Variants in KCNQ2 observed in about 807,000 individuals in gnomAD.
KCNQ2 encodes potassium voltage-gated channel subfamily KQT member 2.
KCNQ2 carries 14 observed loss-of-function variants against 84.8 expected under a neutral mutation model. The observed-to-expected ratio is 0.17, with a 90% CI of 0.11 to 0.26. KCNQ2 has a LOEUF of 0.26. KCNQ2 is among the 10% of genes least tolerant of loss of function. KCNQ2 has a pLI of 1.00. For synonymous variants in KCNQ2, 599 were observed against 554.1 expected (o/e 1.08, Z -1.14); for missense variants, 788 against 1,254.0 (o/e 0.63, Z 5.61).
chr20:63,416,985 A>C (rs2080318482), intron 12 of KCNQ2, among the ~76,000 whole-genome samples: 1 of 151,966 alleles, frequency 6.6e-6, no homozygotes, highest in South Asian at 2.1e-4. Flanking sequence ...CCGCTCGGGG[A>C]AGCAGAGACG....
chr20:63,442,183 CGGCT>C (rs757898342), intron 5 of KCNQ2, among the ~76,000 whole-genome samples: 1 of 152,134 alleles, frequency 6.6e-6, no homozygotes, highest in South Asian at 2.1e-4. Flanking sequence ...ATGCCCACCA[CGGCT>C]GAGCTCAGGC....
At chr20:63,443,274 CCAT>C (rs1239074326) in intron 4 of KCNQ2, among the ~76,000 whole-genome samples, 4 of 25,466 alleles carry the variant, frequency 1.6e-4, no homozygotes, top group South Asian at 1.1e-3. Context: ...ATCATCACCA[CCAT>C]CACCATCACC....
rs1430894540 is a variant in KCNQ2, at chr20:63,408,724, C to T, written c.1764-188G>A. Among the ~76,000 whole-genome samples, 1 of 152,220 alleles carries T rather than the reference C, an allele frequency of 6.6e-6. No homozygotes were observed. Among genetic ancestry groups the T allele is most frequent in the Non-Finnish European group, 1.5e-5 (1 of 68,038 alleles). On this transcript the variant is annotated intron_variant, in intron 15 of 16. Transcript: ENST00000359125. The surrounding 1 kb of genome is among the most constrained non-coding windows in gnomAD (Gnocchi z 5.0). ...CCCGTTCTCAGCCCGTCTTCTGGCA[C>T]CGTGAGGTTCTGCTCCTGCCCGCTC... is the stretch of plus-strand genomic sequence containing the variant.
intron 1 of KCNQ2, among the ~76,000 whole-genome samples, chr20:63,452,965 G>A (rs2081658428): frequency 6.6e-6 from 1 of 152,228 alleles, no homozygotes; most frequent in African/African-American, 2.4e-5. Flanking sequence ...CAGGCTGAGG[G>A]GAGGGTCCAG....
intron 4 of KCNQ2, among the ~76,000 whole-genome samples, chr20:63,443,958 G>A (rs11905861): frequency 0.079 from 12,082 of 152,196 alleles, 762 homozygotes; most frequent in African/African-American, 0.15. Context: ...CTGAGCCTCC[G>A]GGCACAGATG....
chr20:63,407,776 G>A lies in KCNQ2; in HGVS notation c.1888-401C>T, dbSNP rs926321954. On this transcript the variant is annotated intron_variant, in intron 16 of 16. Transcript: ENST00000359125. This position sits in a 1 kb window ranked among gnomAD's most constrained non-coding sequence, Gnocchi z 7.2. ...TCCCTGGAGAGGTACAGGGAGGGGG[G>A]ATCCCTGCTCCCTGGAAGCTGGAGG... 6.6e-6 allele frequency among the ~76,000 whole-genome samples: 1 copy of A among 151,902 alleles called. No individual in the cohort carries two copies. The highest frequency in any genetic ancestry group is 1.5e-5 in the Non-Finnish European group (1 of 67,918).
At chr20:63,428,557 C>T (rs1034102063) in intron 9 of KCNQ2, 122 bp from the exon 10 acceptor site, 7 of 834,290 alleles carry the variant, frequency 8.4e-6, no homozygotes, top group East Asian at 2.7e-5. Context: ...CGGCATGTGA[C>T]GTGGCCAGGC....
intron 9 of KCNQ2, among the ~76,000 whole-genome samples, chr20:63,430,390 C>A (rs889726086): frequency 7.2e-5 from 11 of 152,174 alleles, no homozygotes; most frequent in Non-Finnish European, 1.5e-4. Context: ...CACTGCCCAG[C>A]ACTGCACCCA....
At chr20:63,469,701 C>T (rs1473420973) in intron 1 of KCNQ2, among the ~76,000 whole-genome samples, 1 of 152,248 alleles carries the variant, frequency 6.6e-6, no homozygotes, top group Admixed American at 6.5e-5. Flanking sequence ...CCCTGGCCTT[C>T]CCCCCACTCC....
At chr20:63,426,082 G>T (rs935552385) in intron 10 of KCNQ2, among the ~76,000 whole-genome samples, 1 of 152,214 alleles carries the variant, frequency 6.6e-6, no homozygotes, top group Admixed American at 6.5e-5. Flanking sequence ...GGCAGCTCGT[G>T]TTCACAGCTG....
chr20:63,432,290 GGAAGGCTCCACCCACAGA>G (rs2080833069), intron 8 of KCNQ2, among the ~76,000 whole-genome samples: 5 of 148,478 alleles, frequency 3.4e-5, no homozygotes, highest in South Asian at 2.1e-4. Context: ...CCACCCTCAG[GGAAGGCTCCACCCACAGA>G]GAAGGCTCCA....
At chr20:63,457,879 C>T (rs1434658034) in intron 1 of KCNQ2, among the ~76,000 whole-genome samples, 4 of 152,118 alleles carry the variant, frequency 2.6e-5, no homozygotes, top group East Asian at 3.9e-4. Flanking sequence ...TGGCTCAGCA[C>T]GTGGTTAAAT....
chr20:63,416,536 A>G (rs1275956441), intron 12 of KCNQ2, among the ~76,000 whole-genome samples: 2 of 152,124 alleles, frequency 1.3e-5, no homozygotes, highest in East Asian at 1.9e-4. Flanking sequence ...CAGCCACGGA[A>G]CTTCTCAGGG....
intron 1 of KCNQ2, among the ~76,000 whole-genome samples, chr20:63,468,287 C>CT (rs1280926780): frequency 6.6e-6 from 1 of 152,318 alleles, no homozygotes; most frequent in East Asian, 1.9e-4. Context: ...ACTCGAGTCT[C>CT]TTTCTCGGCA....
chr20:63,400,768 ACC>A lies in KCNQ2; in HGVS notation c.*5874_*5875del. On this transcript the variant is annotated 3_prime_UTR_variant, in exon 17 of 17. Coordinates refer to ENST00000359125, the MANE Select transcript of KCNQ2 (RefSeq NM_172107.4). The surrounding 1 kb of genome is among the most constrained non-coding windows in gnomAD (Gnocchi z 8.7). ...CAGAGGGATGGCGTCCAGCGGGACCACCAGCTCTGGGCGCCTCAGTGCGAGAC... is the reference window on the plus strand; with the variant it reads ...CAGAGGGATGGCGTCCAGCGGGACCAAGCTCTGGGCGCCTCAGTGCGAGAC... 1 of 398,410 alleles carries A rather than the reference ACC, an allele frequency of 2.5e-6. No individual in the cohort carries two copies. Among genetic ancestry groups the A allele is most frequent in the East Asian group, 3.6e-5 (1 of 28,064 alleles). The allele number at this position is 398,410 out of a possible 1,614,324, so 24.7% of individuals were successfully genotyped here.
intron 5 of KCNQ2, among the ~76,000 whole-genome samples, chr20:63,440,844 G>A (rs1410033197): frequency 6.6e-6 from 1 of 152,058 alleles, no homozygotes; most frequent in East Asian, 2.0e-4. Flanking sequence ...TGGGAAGGAG[G>A]CTGCCACACA....
intron 1 of KCNQ2, among the ~76,000 whole-genome samples, chr20:63,456,930 G>A (rs771088288): frequency 2.1e-4 from 32 of 152,164 alleles, no homozygotes; most frequent in African/African-American, 7.5e-4. Context: ...GAAAGCCAGC[G>A]TGAGGCCGGA....
intron 12 of KCNQ2, among the ~76,000 whole-genome samples, chr20:63,417,260 C>T (rs918128508): frequency 2.6e-4 from 39 of 152,224 alleles, no homozygotes; most frequent in African/African-American, 9.2e-4. Flanking sequence ...CACATGGGCA[C>T]AGGCTCAGCG....
chr20:63,458,950 C>G (rs1386112553), intron 1 of KCNQ2: 1 of 152,328 alleles, frequency 6.6e-6, no homozygotes, highest in African/African-American at 2.4e-5. Flanking sequence ...ACATGTGACG[C>G]AGGCTTCGTC....
Sources: allele counts gnomAD v4.1 joint callset (sites outside exome capture counted in the v4.1 genomes callset), GRCh38; gene constraint gnomAD v4.1.1; non-coding constraint Gnocchi (gnomAD v3.1); transcripts MANE v1.5; gene names NCBI Gene and HGNC (gene_info 2026-07-23, HGNC 2026-07-21).